Variants in FRMD4B observed in about 807,000 individuals in gnomAD.
The protein encoded by FRMD4B is FERM domain containing 4B.
Under a neutral mutation model 141.5 loss-of-function variants are expected in FRMD4B, and 74 were observed. The ratio of observed to expected loss-of-function variants is 0.52; its 90% CI spans 0.43 to 0.63. The LOEUF (loss-of-function observed/expected upper bound fraction) is 0.63. Among genes scored for constraint, FRMD4B ranks in the 30% least tolerant of loss-of-function variants. The pLI is 0.00. For missense variants in FRMD4B, 1,366 were observed against 1,253.4 expected (o/e 1.09, Z -1.36); for synonymous variants, 506 against 467.9 (o/e 1.08, Z -1.05).
chr3:69,179,960 G>A (rs6804872), intron 21 of FRMD4B, among the ~76,000 whole-genome samples: 4,455 of 152,228 alleles, frequency 0.029, 156 homozygotes, highest in African/African-American at 0.086. Context: ...ACAACTGGGA[G>A]TAGGCAGGAA....
intron 1 of FRMD4B, among the ~76,000 whole-genome samples, chr3:69,377,977 A>ATT (rs35582091): frequency 0.027 from 3,813 of 139,764 alleles, 167 homozygotes; most frequent in African/African-American, 0.09. Flanking sequence ...CACTTGGCTA[A>ATT]TTTTTTTTTT....
At chr3:69,529,274 A>G (rs185367214) in intron 1 of FRMD4B, among the ~76,000 whole-genome samples, 1 of 152,346 alleles carries the variant, frequency 6.6e-6, no homozygotes, top group East Asian at 1.9e-4. Flanking sequence ...GAATTTCCTG[A>G]TTCGTAATTG....
chr3:69,361,502 A>G (rs1218579815), intron 1 of FRMD4B, among the ~76,000 whole-genome samples: 1 of 152,084 alleles, frequency 6.6e-6, no homozygotes, highest in Non-Finnish European at 1.5e-5. Flanking sequence ...ACCTCTGCCA[A>G]TCTTTCCCTA....
At chr3:69,410,957 A>G (rs1019596605) in intron 2 of FRMD4B, among the ~76,000 whole-genome samples, 7 of 151,908 alleles carry the variant, frequency 4.6e-5, no homozygotes, top group African/African-American at 1.7e-4. Flanking sequence ...TACCTGGCCT[A>G]TAGAAGAGGG....
chr3:69,418,309 G>A (rs1366795805), intron 2 of FRMD4B, among the ~76,000 whole-genome samples: 1 of 152,130 alleles, frequency 6.6e-6, no homozygotes, highest in East Asian at 1.9e-4. Context: ...TGGGCTTAGA[G>A]CATTTGGTAG....
chr3:69,500,217 C>A (rs543818256), intron 1 of FRMD4B, among the ~76,000 whole-genome samples: 1 of 152,312 alleles, frequency 6.6e-6, no homozygotes, highest in Admixed American at 6.5e-5. Context: ...TGGCTTCAGA[C>A]AAGAGACTAA....
chr3:69,404,249 T>C (rs112306772), intron 2 of FRMD4B, among the ~76,000 whole-genome samples: 4 of 152,112 alleles, frequency 2.6e-5, no homozygotes, highest in African/African-American at 4.8e-5. Context: ...AAATAGAAAA[T>C]ACAGTGTGAG....
intron 2 of FRMD4B, among the ~76,000 whole-genome samples, chr3:69,394,000 T>G (rs1390456504): frequency 6.6e-6 from 1 of 152,238 alleles, no homozygotes; most frequent in Non-Finnish European, 1.5e-5. Context: ...CTTTTGTTTT[T>G]ATAATTTGGT....
chr3:69,333,143 T>C (rs1467673129), intron 1 of FRMD4B, among the ~76,000 whole-genome samples: 5 of 152,114 alleles, frequency 3.3e-5, no homozygotes, highest in African/African-American at 1.2e-4. Flanking sequence ...TGGCTCAGCC[T>C]GCCAGTCCCT....
intron 1 of FRMD4B, among the ~76,000 whole-genome samples, chr3:69,496,864 C>A (rs1288849635): frequency 1.3e-5 from 2 of 151,386 alleles, no homozygotes; most frequent in Non-Finnish European, 2.9e-5. Context: ...TTGTATCTGA[C>A]CCCCAAGAGT....
At chr3:69,243,844 G>C (rs1318349496) in intron 7 of FRMD4B, among the ~76,000 whole-genome samples, 1 of 152,090 alleles carries the variant, frequency 6.6e-6, no homozygotes, top group African/African-American at 2.4e-5. Context: ...CCAGGAGTTC[G>C]AGACCAGCCT....
chr3:69,189,222 C>CAAAAAAAA (rs71115659), intron 18 of FRMD4B, among the ~76,000 whole-genome samples: 10 of 39,756 alleles, frequency 2.5e-4, no homozygotes, highest in African/African-American at 6.2e-4. Context: ...AACTCCATCT[C>CAAAAAAAA]AAAAAAAAAA....
chr3:69,193,511 A>C (rs896465801), intron 17 of FRMD4B, 137 bp downstream of exon 17: 1 of 615,726 alleles, frequency 1.6e-6, no homozygotes, highest in Non-Finnish European at 2.8e-6. Flanking sequence ...TCTGTCTCCA[A>C]ATAAAAAAGA....
intron 13 of FRMD4B, 173 bp from the exon 14 acceptor site, chr3:69,196,569 A>G (rs1235537545): frequency 1.7e-6 from 1 of 592,442 alleles, no homozygotes; most frequent in Non-Finnish European, 2.9e-6. Context: ...CCCCACAAGT[A>G]GTTAAAATGT....
At chr3:69,201,043 T>TAA (rs2082114810) in intron 11 of FRMD4B, 1 of 276,206 alleles carries the variant, frequency 3.6e-6, no homozygotes, top group Non-Finnish European at 7.4e-6. Context: ...AAACTCTACT[T>TAA]AAAAGGCGAA....
intron 2 of FRMD4B, among the ~76,000 whole-genome samples, chr3:69,392,132 C>T (rs979658884): frequency 2.0e-5 from 3 of 152,172 alleles, no homozygotes; most frequent in African/African-American, 4.8e-5. Context: ...TAGAAAATTA[C>T]GTATTGAGTT....
At chr3:69,537,369 C>T (rs1701103919) in intron 1 of FRMD4B, among the ~76,000 whole-genome samples, 1 of 152,196 alleles carries the variant, frequency 6.6e-6, no homozygotes, top group South Asian at 2.1e-4. Context: ...GACCTCAAGG[C>T]TGAAGAGCTG....
chr3:69,272,582 T>TACAC (rs145569036), intron 5 of FRMD4B, among the ~76,000 whole-genome samples: 15 of 151,918 alleles, frequency 9.9e-5, no homozygotes, highest in Non-Finnish European at 1.9e-4. Context: ...CGTATGTGTG[T>TACAC]ACACACACAC....
intron 20 of FRMD4B, among the ~76,000 whole-genome samples, chr3:69,182,084 G>C (rs2092714336): frequency 6.6e-6 from 1 of 152,166 alleles, no homozygotes; most frequent in African/African-American, 2.4e-5. Context: ...AGGATATGAA[G>C]ATATGGTACA....
Sources: allele counts gnomAD v4.1 joint callset (sites outside exome capture counted in the v4.1 genomes callset), GRCh38; gene constraint gnomAD v4.1.1; transcripts MANE v1.5; gene names NCBI Gene and HGNC (gene_info 2026-07-23, HGNC 2026-07-21).